Variants in PHKA1 observed in about 807,000 individuals in gnomAD.
The protein encoded by PHKA1 is phosphorylase kinase regulatory subunit alpha 1.
A neutral mutation model predicts 110.2 loss-of-function variants in PHKA1; 60 were observed. The observed-to-expected ratio is 0.54, with a 90% CI of 0.44 to 0.68. The LOEUF is 0.68. PHKA1 is among the 30% of genes least tolerant of loss of function. The pLI, the probability that PHKA1 is intolerant of heterozygous loss-of-function variation, is 0.00. For missense variants in PHKA1, 801 were observed against 942.5 expected (o/e 0.85, Z 1.97); for synonymous variants, 316 against 333.6 (o/e 0.95, Z 0.58).
intron 4 of PHKA1, among the ~76,000 whole-genome samples, chrX:72,685,654 T>C (rs1390979318): frequency 8.9e-6 from 1 of 112,162 alleles, no homozygotes; most frequent in African/African-American, 3.2e-5. Flanking sequence ...TATACCTCTT[T>C]TATAACAATA....
intron 8 of PHKA1, among the ~76,000 whole-genome samples, chrX:72,662,333 C>A (rs1453833922): frequency 4.5e-5 from 5 of 111,810 alleles, no homozygotes; most frequent in African/African-American, 1.6e-4. Context: ...TGACTCTTTG[C>A]CATCATTTCA....
Position 72,605,558 on chromosome X carries a change from T to C in PHKA1, c.2668A>G (p.Ile890Val), listed in dbSNP as rs782324191. 3 of 1,203,828 alleles carry C rather than the reference T, an allele frequency of 2.5e-6. No individual in the cohort carries two copies. Among genetic ancestry groups the C allele is most frequent in the Admixed American group, 2.2e-5 (1 of 45,750 alleles). The change falls in exon 24 of 32, where the codon ATT becomes GTT. Residue 890 changes from isoleucine (I) to valine (V), a missense_variant. This residue lies in a region of PHKA1 where 502 missense variants were observed against 519.2 expected (regional missense o/e 0.97). Transcript: ENST00000373542. The stretch of plus-strand genomic sequence containing the variant: ...CTTCTCACCTGTGTAAGGATTGAAA[T>C]GCTCATATCCCCTTCACTGGCTTCA... ...IDEASEGDMS[I>V]SILTQEIMVY...
At chrX:72,671,491 C>T (rs1410586933) in intron 6 of PHKA1, among the ~76,000 whole-genome samples, 11 of 111,626 alleles carry the variant, frequency 9.9e-5, no homozygotes, top group East Asian at 2.8e-4. Flanking sequence ...GAATCAATAT[C>T]GTGAAAATGG....
chrX:72,660,962 C>T (rs2053552598), intron 8 of PHKA1, among the ~76,000 whole-genome samples: 2 of 111,996 alleles, frequency 1.8e-5, no homozygotes, highest in Non-Finnish European at 3.8e-5. Context: ...AGACAACTTG[C>T]ACCACTAAGA....
chrX:72,620,830 C>T lies in PHKA1; in HGVS notation c.2032G>A (p.Ala678Thr). ...AGCCCTCCCTTCTGTGAGGTAGGGGCTAGTTTAGGATGGGGAGCAGTGTGC... is the reference window on the plus strand; with the variant it reads ...AGCCCTCCCTTCTGTGAGGTAGGGGTTAGTTTAGGATGGGGAGCAGTGTGC... ...LAHTAPHPKL[A>T]PTSQKGGLDR... The change falls in exon 19 of 32, where the codon GCC becomes ACC. Residue 678 changes from alanine (A) to threonine (T), a missense_variant. Coordinates refer to ENST00000373542, the MANE Select transcript of PHKA1 (RefSeq NM_002637.4). 1 of 1,209,922 alleles carries T rather than the reference C, an allele frequency of 8.3e-7. No individual in the cohort carries two copies. Among genetic ancestry groups the T allele is most frequent in the Non-Finnish European group, 1.1e-6 (1 of 894,748 alleles).
rs202211413 is a variant in PHKA1 at position 72,619,263 on chromosome X, C to T, written c.2180G>A (p.Arg727Gln). ...YLPTKLFQAS[R>Q]PSFNLLDSPH... ...TGAATCAAGTAAGTTGAATGAAGGC[C>T]GGGAAGCCTGAAATAACTTCGTAGG... Residue 727 changes from arginine (R) to glutamine (Q), a missense_variant, in exon 20 of 32, where the codon CGG (arginine) becomes CAG (glutamine). Arg to Gln is a conservative substitution (Grantham distance 43, BLOSUM62 1). Coordinates refer to ENST00000373542, the MANE Select transcript of PHKA1 (RefSeq NM_002637.4). 63 of 1,196,110 alleles carry T rather than the reference C, an allele frequency of 5.3e-5. No individual in the cohort carries two copies. Among genetic ancestry groups the T allele is most frequent in the East Asian group, 8.9e-5 (3 of 33,693 alleles).
intron 2 of PHKA1, 54 bp from the exon 3 acceptor site, chrX:72,705,299 A>T (rs1194567565): frequency 1.1e-6 from 1 of 944,497 alleles, no homozygotes; most frequent in African/African-American, 1.9e-5. Context: ...ATACAGGAAC[A>T]CTTACTCAGC....
chrX:72,689,052 T>C (rs2054001929), intron 4 of PHKA1: 1 of 111,491 alleles, frequency 9.0e-6, no homozygotes, highest in Admixed American at 9.6e-5. Context: ...AAGGTGACTA[T>C]ATAAAGAATA....
At chrX:72,619,082 T>A (rs1454791833) in intron 20 of PHKA1, 132 bp downstream of exon 20, 2 of 553,775 alleles carry the variant, frequency 3.6e-6, no homozygotes, top group Admixed American at 2.7e-5. Flanking sequence ...GAAAAGAACA[T>A]GTATCTTCAC....
intron 3 of PHKA1, among the ~76,000 whole-genome samples, chrX:72,698,709 C>G (rs969337313): frequency 4.4e-5 from 5 of 112,481 alleles, no homozygotes; most frequent in Admixed American, 3.8e-4. Flanking sequence ...GCAGTATGCA[C>G]AGACAATAAG....
chrX:72,591,026 T>C (rs1378155784), intron 29 of PHKA1, among the ~76,000 whole-genome samples: 2 of 111,849 alleles, frequency 1.8e-5, no homozygotes, highest in Non-Finnish European at 3.8e-5. Flanking sequence ...GATCTAGAAC[T>C]AGAAATACCA....
chrX:72,591,764 A>G (rs1471602611), intron 29 of PHKA1, among the ~76,000 whole-genome samples: 4 of 112,140 alleles, frequency 3.6e-5, no homozygotes, highest in African/African-American at 1.3e-4. Context: ...AGAAATGCCA[A>G]TTTTAATTAC....
intron 4 of PHKA1, among the ~76,000 whole-genome samples, chrX:72,689,207 T>C (rs1157718737): frequency 8.9e-6 from 1 of 112,071 alleles, no homozygotes; most frequent in African/African-American, 3.2e-5. Flanking sequence ...GCATAAGAAG[T>C]ATATATTCAA....
At position 72,650,383 on chromosome X, in the gene PHKA1, T is replaced by C. The variant is rs1305161020; in HGVS notation, c.1324+7A>G. 1.7e-6 allele frequency: 2 copies of C among 1,199,070 alleles called. No homozygotes were observed. The highest frequency in any genetic ancestry group is 1.1e-6 in the Non-Finnish European group (1 of 884,011). On this transcript the variant is annotated splice_region_variant and intron_variant, in intron 13 of 31. Transcript: ENST00000373542. ...AAGTTTCTTCCACTGGGAATAAGAA[T>C]ACATACCTTGAACCACAACATCGGG...
intron 18 of PHKA1, chrX:72,621,944 A>T: frequency 1.3e-6 from 1 of 742,677 alleles, no homozygotes; most frequent in Non-Finnish European, 1.6e-6. Context: ...TTAGAAATAT[A>T]TATTTTAGTA....
chrX:72,598,198 A>T (rs2052614716), intron 28 of PHKA1, among the ~76,000 whole-genome samples: 1 of 111,831 alleles, frequency 8.9e-6, no homozygotes, highest in African/African-American at 3.2e-5. Flanking sequence ...AATAGGTACA[A>T]ATGTGAATTG....
At chrX:72,682,044 C>A (rs868913653) in intron 5 of PHKA1, among the ~76,000 whole-genome samples, 1 of 60,022 alleles carries the variant, frequency 1.7e-5, no homozygotes, top group Non-Finnish European at 3.5e-5. Context: ...GTCGGCCCCC[C>A]GCCCGGCCAG....
chrX:72,665,920 T>C (rs1410175565), intron 8 of PHKA1, among the ~76,000 whole-genome samples: 1 of 111,947 alleles, frequency 8.9e-6, no homozygotes, highest in African/African-American at 3.2e-5. Context: ...GGTGTATGAT[T>C]AAATTTATAA....
At position 72,616,115 on chromosome X, in the gene PHKA1, C is replaced by A. The variant is rs375561122; in HGVS notation, c.2369+2595G>T. Among the ~76,000 whole-genome samples, 42 of 111,651 alleles carry A rather than the reference C, an allele frequency of 3.8e-4. No homozygotes were observed. In the South Asian group the frequency reaches 8.4e-3, roughly 22 times the overall value. On this transcript the variant is annotated intron_variant, in intron 21 of 31. Transcript: ENST00000373542. ...TGCTGTGGCTCACACCTGGAACTCC[C>A]AGCACTCTGGGAGGCTGAGGCAGAA... is the stretch of plus-strand genomic sequence containing the variant.
Sources: gnomAD v4.1 joint callset for allele counts (sites outside exome capture counted in the v4.1 genomes callset) on GRCh38, gnomAD v4.1.1 for gene constraint, gnomAD v4.1.1 regional missense constraint, MANE v1.5 for transcripts, NCBI Gene and HGNC (gene_info 2026-07-23, HGNC 2026-07-21) for gene names.